SYN2: variants seen among roughly 807,000 people sequenced by gnomAD.
SYN2 encodes the protein synapsin-2.
A neutral mutation model predicts 50.9 loss-of-function variants in SYN2; 19 were observed. That is an observed-to-expected ratio of 0.37 (90% CI 0.26 to 0.55). The LOEUF (loss-of-function observed/expected upper bound fraction) is 0.55. Among genes scored for constraint, SYN2 ranks in the 20% least tolerant of loss-of-function variants. SYN2 has a pLI of 0.81. For missense variants in SYN2, 587 were observed against 576.4 expected (o/e 1.02, Z -0.19); for synonymous variants, 255 against 224.9 (o/e 1.13, Z -1.20).
At chr3:12,107,538 G>A (rs1354304780) in intron 1 of SYN2, among the ~76,000 whole-genome samples, 1 of 152,156 alleles carries the variant, frequency 6.6e-6, no homozygotes, top group Non-Finnish European at 1.5e-5. Flanking sequence ...AGTTGCTAAT[G>A]GTCATCCGGA....
At chr3:12,129,128 A>G (rs575566634) in intron 1 of SYN2, among the ~76,000 whole-genome samples, 2 of 152,348 alleles carry the variant, frequency 1.3e-5, no homozygotes, top group South Asian at 2.1e-4. Flanking sequence ...AATAGAAATA[A>G]TGAATATTAT....
chr3:12,068,697 T>G (rs1344670303), intron 1 of SYN2, among the ~76,000 whole-genome samples: 3 of 152,190 alleles, frequency 2.0e-5, no homozygotes, highest in East Asian at 3.8e-4. Context: ...TTTTTTTCTG[T>G]ATTTTTAGGA....
intron 2 of SYN2, 97 bp from the exon 3 acceptor site, chr3:12,141,808 G>A: frequency 1.4e-6 from 1 of 723,238 alleles, no homozygotes; most frequent in Non-Finnish European, 2.6e-6. Context: ...TTTGAAAACT[G>A]TATATAAATG....
chr3:12,105,127 C>T (rs1041477799), intron 1 of SYN2, among the ~76,000 whole-genome samples: 5 of 152,062 alleles, frequency 3.3e-5, no homozygotes, highest in Admixed American at 6.6e-5. Context: ...ACTGAATGTA[C>T]GAGCAATCTG....
chr3:12,070,197 C>G, intron 1 of SYN2: 2 of 376,904 alleles, frequency 5.3e-6, no homozygotes, highest in South Asian at 2.1e-5. Context: ...TCCTACTGCT[C>G]TGCCGCCCTG....
chr3:12,050,022 C>A (rs147715195), intron 1 of SYN2, among the ~76,000 whole-genome samples: 3,437 of 152,242 alleles, frequency 0.023, 148 homozygotes, highest in African/African-American at 0.078. Context: ...GCCCCAGCGT[C>A]CCAAGTAGCT....
rs202167771 is a variant in SYN2, at chr3:12,085,368, C to T, written c.378-55283C>T. Among the ~76,000 whole-genome samples, 756 of 150,436 alleles carry T rather than the reference C, an allele frequency of 5.0e-3. 4 individuals carry two copies. The highest frequency in any genetic ancestry group is 0.016 in the African/African-American group (657 of 41,064). ...GTTATGGAATACACACACACACACA[C>T]ACACACACACACGCACGCACGCACG... On this transcript the variant is annotated intron_variant, in intron 1 of 12. Transcript: ENST00000621198.
intron 1 of SYN2, among the ~76,000 whole-genome samples, chr3:12,078,100 G>T (rs1695510292): frequency 6.6e-6 from 1 of 151,904 alleles, no homozygotes; most frequent in South Asian, 2.1e-4. Context: ...ATGTTTGCTG[G>T]CCGTATGAAT....
intron 5 of SYN2, chr3:12,156,765 C>T: frequency 2.8e-6 from 4 of 1,449,444 alleles, no homozygotes; most frequent in Non-Finnish European, 2.9e-6. Context: ...TTCTCACTAC[C>T]TCCCCTAGGG....
intron 1 of SYN2, among the ~76,000 whole-genome samples, chr3:12,083,975 G>T (rs906787468): frequency 6.6e-6 from 1 of 152,100 alleles, no homozygotes; most frequent in Non-Finnish European, 1.5e-5. Context: ...GAGAATGCTG[G>T]AATAGTCCCC....
chr3:12,175,878 C>G (rs1435275792), intron 10 of SYN2, among the ~76,000 whole-genome samples: 2 of 152,216 alleles, frequency 1.3e-5, no homozygotes, highest in Non-Finnish European at 2.9e-5. Context: ...TCACCAAGAG[C>G]AGGGAGGTGA....
At chr3:12,162,978 T>C (rs568270112) in intron 7 of SYN2, among the ~76,000 whole-genome samples, 29 of 152,268 alleles carry the variant, frequency 1.9e-4, no homozygotes, top group South Asian at 1.0e-3. Flanking sequence ...CGGTGGCTCA[T>C]GCCTGTAATC....
intron 1 of SYN2, among the ~76,000 whole-genome samples, chr3:12,028,823 G>A (rs1291198638): frequency 6.9e-6 from 1 of 145,166 alleles, no homozygotes; most frequent in Non-Finnish European, 1.5e-5. Flanking sequence ...CCATGTTGTA[G>A]GTTGCCTGTT....
At chr3:12,137,332 T>C (rs956258074) in intron 1 of SYN2, among the ~76,000 whole-genome samples, 9 of 151,636 alleles carry the variant, frequency 5.9e-5, no homozygotes, top group African/African-American at 2.2e-4. Flanking sequence ...CTAAGGGAAG[T>C]AGAGTAGTTT....
At chr3:12,115,425 A>G (rs890875866) in intron 1 of SYN2, among the ~76,000 whole-genome samples, 4 of 152,176 alleles carry the variant, frequency 2.6e-5, no homozygotes, top group African/African-American at 7.2e-5. Flanking sequence ...GTGGCTGCAT[A>G]AGAACAGTTT....
chr3:12,049,372 G>T (rs1483533263), intron 1 of SYN2, among the ~76,000 whole-genome samples: 3 of 151,980 alleles, frequency 2.0e-5, no homozygotes, highest in Non-Finnish European at 4.4e-5. Flanking sequence ...ACAAAAATTA[G>T]CCTGGTGTGG....
At position 12,187,372 on chromosome 3, in the gene SYN2, G is replaced by T. The variant is rs745588095; in HGVS notation, c.1373G>T (p.Gly458Val). 5 of 1,540,966 alleles carry T rather than the reference G, an allele frequency of 3.2e-6. No homozygotes were observed. The highest frequency in any genetic ancestry group is 2.5e-5 in the East Asian group (1 of 40,656). Residue 458 changes from glycine (G) to valine (V), a missense_variant, in exon 12 of 13, where the codon GGC becomes GTC. Coordinates refer to ENST00000621198, the MANE Select transcript of SYN2 (RefSeq NM_133625.6). ...TPPQRPPPQGGPGQPQGMQPP... is the reference protein window; with the variant it reads ...TPPQRPPPQGVPGQPQGMQPP... ...GTTTTTCTTGTACTGAACCTAGGGG[G>T]CCCTGGGCAACCCCAAGGAATGCAG...
intron 5 of SYN2, chr3:12,158,587 A>C: frequency 4.8e-4 from 634 of 1,308,156 alleles, no homozygotes; most frequent in Non-Finnish European, 5.7e-4. Context: ...AGCAAGAGAC[A>C]ACCGGTAAGA....
chr3:12,017,848 T>G (rs1173521928), intron 1 of SYN2, among the ~76,000 whole-genome samples: 1 of 152,200 alleles, frequency 6.6e-6, no homozygotes, highest in Non-Finnish European at 1.5e-5. Context: ...TAGATGAATA[T>G]TCCTTCATTT....
Sources: gnomAD v4.1 joint callset for allele counts (sites outside exome capture counted in the v4.1 genomes callset) on GRCh38, gnomAD v4.1.1 for gene constraint, MANE v1.5 for transcripts, NCBI Gene and HGNC (gene_info 2026-07-23, HGNC 2026-07-21) for gene names.